Variants in KCNQ3 observed in about 807,000 individuals in gnomAD.
KCNQ3 encodes the protein potassium voltage-gated channel subfamily Q member 3.
Under a neutral mutation model 92.5 loss-of-function variants are expected in KCNQ3, and 30 were observed. That is an observed-to-expected ratio of 0.32 (90% confidence interval 0.24 to 0.44). The LOEUF (loss-of-function observed/expected upper bound fraction) is 0.44, where lower values mean the gene tolerates loss of function less well. KCNQ3 is among the 20% of genes least tolerant of loss of function. The probability of loss-of-function intolerance (pLI) is 1.00; values close to 1 mark genes in which losing one functional copy is unlikely to be tolerated. For missense variants in KCNQ3, 913 were observed against 1,140.3 expected, an observed-to-expected ratio of 0.80 and a Z score of 2.87; for synonymous variants, 450 against 468.8, an observed-to-expected ratio of 0.96 and a Z score of 0.52.
At chr8:132,415,446 C>A (rs1820769970) in intron 1 of KCNQ3, among the ~76,000 whole-genome samples, 2 of 152,350 alleles carry the variant, frequency 1.3e-5, no homozygotes, top group Admixed American at 1.3e-4. Context: ...TCTCTGACTG[C>A]AGGAGCCAAG....
In KCNQ3 at chr8:132,357,977, C is replaced by G. The variant is rs140833018; in HGVS notation, c.386+122170G>C. Among the ~76,000 whole-genome samples, 243 of 152,364 alleles carry G rather than the reference C, an allele frequency of 1.6e-3. 3 individuals carry two copies. The highest frequency in any genetic ancestry group is 9.5e-3 in the South Asian group (46 of 4,826). ...CCCATCCATCAAACTCCATCCCGTCCTCGACAGCCCAGCTGAAACATTTCT... is the reference window on the plus strand; with the variant it reads ...CCCATCCATCAAACTCCATCCCGTCGTCGACAGCCCAGCTGAAACATTTCT... On this transcript the variant is annotated intron_variant, in intron 1 of 14. Transcript: ENST00000388996.
chr8:132,139,249 A>T (rs1825208523), intron 11 of KCNQ3, among the ~76,000 whole-genome samples: 1 of 152,254 alleles, frequency 6.6e-6, no homozygotes, highest in South Asian at 2.1e-4. Flanking sequence ...ATCACCCTCC[A>T]GGTCAACACA....
chr8:132,287,618 C>T (rs1244075697), intron 1 of KCNQ3, among the ~76,000 whole-genome samples: 4 of 152,154 alleles, frequency 2.6e-5, no homozygotes, highest in African/African-American at 9.7e-5. Context: ...TATTTTATTC[C>T]TTGCTACAAT....
At chr8:132,160,882 A>G (rs1472367471) in intron 9 of KCNQ3, among the ~76,000 whole-genome samples, 2 of 152,078 alleles carry the variant, frequency 1.3e-5, no homozygotes, top group Admixed American at 6.5e-5. Context: ...TAAAGTATAT[A>G]TGCTTTATTA....
At chr8:132,171,992 CA>C (rs34581870) in intron 7 of KCNQ3, among the ~76,000 whole-genome samples, 26,131 of 142,374 alleles carry the variant, frequency 0.18, 2,672 homozygotes, top group African/African-American at 0.29. Flanking sequence ...CTCATCTCTA[CA>C]AAAAAAAAAA....
intron 1 of KCNQ3, among the ~76,000 whole-genome samples, chr8:132,316,631 C>T (rs1446065648): frequency 2.6e-5 from 4 of 152,204 alleles, no homozygotes; most frequent in Non-Finnish European, 5.9e-5. Context: ...AGATCAAGTG[C>T]TGCTGCAGAC....
At chr8:132,385,239 G>A (rs539635205) in intron 1 of KCNQ3, among the ~76,000 whole-genome samples, 3 of 150,648 alleles carry the variant, frequency 2.0e-5, no homozygotes, top group South Asian at 2.1e-4. Flanking sequence ...GGACTGCAAC[G>A]CAGCTCAACT....
At chr8:132,359,009 C>T (rs1819091433) in intron 1 of KCNQ3, among the ~76,000 whole-genome samples, 1 of 152,204 alleles carries the variant, frequency 6.6e-6, no homozygotes, top group Non-Finnish European at 1.5e-5. Flanking sequence ...AATACTCTCA[C>T]TAAAGAATTA....
chr8:132,258,555 A>G (rs1815667827), intron 1 of KCNQ3, among the ~76,000 whole-genome samples: 2 of 152,098 alleles, frequency 1.3e-5, no homozygotes, highest in African/African-American at 4.8e-5. Flanking sequence ...ATATTCACAA[A>G]GAAGTATCTC....
At chr8:132,257,678 T>C (rs1586871926) in intron 1 of KCNQ3, among the ~76,000 whole-genome samples, 1 of 127,660 alleles carries the variant, frequency 7.8e-6, no homozygotes, top group African/African-American at 3.1e-5. Flanking sequence ...ACCCAGGAGG[T>C]GGAGGTTGCA....
intron 1 of KCNQ3, among the ~76,000 whole-genome samples, chr8:132,418,181 C>T (rs1820871582): frequency 6.6e-6 from 1 of 152,232 alleles, no homozygotes; most frequent in African/African-American, 2.4e-5. Flanking sequence ...CACACGAAAA[C>T]AAGGAGGAAA....
intron 1 of KCNQ3, among the ~76,000 whole-genome samples, chr8:132,304,900 C>T (rs1817368863): frequency 6.6e-6 from 1 of 151,948 alleles, no homozygotes; most frequent in African/African-American, 2.4e-5. Context: ...ACACAGATAA[C>T]AAAGAATTAA....
intron 12 of KCNQ3, among the ~76,000 whole-genome samples, chr8:132,134,748 T>C (rs1825022925): frequency 1.3e-5 from 2 of 149,378 alleles, no homozygotes; most frequent in African/African-American, 5.0e-5. Flanking sequence ...CTGCATCTTG[T>C]TATTTTTTTT....
chr8:132,203,566 C>T (rs746856962), intron 1 of KCNQ3, among the ~76,000 whole-genome samples: 1 of 152,208 alleles, frequency 6.6e-6, no homozygotes, highest in African/African-American at 2.4e-5. Context: ...CAAAGGCATG[C>T]TCCCTTGCAA....
rs536960458 is a variant in KCNQ3, at chr8:132,126,041, T to A, written c.*3221A>T. On this transcript the variant is annotated 3_prime_UTR_variant, in exon 15 of 15. Transcript: ENST00000388996. Reference sequence around the variant, plus strand: ...AGTTGATTTATCTAATTCATTTTGATCTTGCTAAAATATGACCTTTAAAAT... The same window carrying A: ...AGTTGATTTATCTAATTCATTTTGAACTTGCTAAAATATGACCTTTAAAAT... 40 of 152,332 alleles carry A rather than the reference T, an allele frequency of 2.6e-4. 1 individual carries two copies. The highest frequency in any genetic ancestry group is 9.4e-4 in the African/African-American group (39 of 41,566). The allele number at this position is 152,332 out of a possible 1,614,324, so 9.4% of individuals were successfully genotyped here. A position where few individuals can be genotyped will look rare whatever the true frequency, so the allele number is the denominator to read the frequency against.
intron 1 of KCNQ3, among the ~76,000 whole-genome samples, chr8:132,305,355 C>T (rs1160139450): frequency 6.6e-6 from 1 of 152,202 alleles, no homozygotes; most frequent in East Asian, 1.9e-4. Flanking sequence ...TAGAAAATTG[C>T]TTCATTCATA....
intron 1 of KCNQ3, among the ~76,000 whole-genome samples, chr8:132,441,834 G>A (rs769968001): frequency 1.8e-4 from 27 of 152,062 alleles, no homozygotes; most frequent in African/African-American, 2.9e-4. Context: ...CTAAATATCC[G>A]TCAATGATAG....
chr8:132,383,617 A>C (rs959599413), intron 1 of KCNQ3, among the ~76,000 whole-genome samples: 3 of 152,178 alleles, frequency 2.0e-5, no homozygotes, highest in Non-Finnish European at 2.9e-5. Flanking sequence ...TAAACACTGG[A>C]GGGACAGACA....
intron 1 of KCNQ3, among the ~76,000 whole-genome samples, chr8:132,252,096 C>A (rs141400407): frequency 1.3e-3 from 192 of 152,296 alleles, no homozygotes; most frequent in Middle Eastern, 6.8e-3. Context: ...TTGGCATCAT[C>A]TGCTGTTTCC....
Sources: gnomAD v4.1 joint callset for allele counts (sites outside exome capture counted in the v4.1 genomes callset) on GRCh38, gnomAD v4.1.1 for gene constraint, MANE v1.5 for transcripts, NCBI Gene and HGNC (gene_info 2026-07-23, HGNC 2026-07-21) for gene names.